RSU1: variants seen among roughly 807,000 people sequenced by gnomAD.
The protein encoded by RSU1 is Ras suppressor protein 1.
A neutral mutation model predicts 31.1 loss-of-function variants in RSU1; 26 were observed. The observed-to-expected ratio is 0.84, with a 90% CI of 0.61 to 1.16. RSU1 has a LOEUF of 1.16. Among genes scored for constraint, RSU1 ranks in the 50% most tolerant of loss-of-function variants. The pLI, the probability that RSU1 is intolerant of heterozygous loss-of-function variation, is 0.00. For synonymous variants in RSU1, 164 were observed against 136.3 expected (o/e 1.20, Z -1.41); for missense variants, 320 against 339.1 (o/e 0.94, Z 0.44).
chr10:16,664,895 T>C (rs1249213865), intron 8 of RSU1, among the ~76,000 whole-genome samples: 1 of 152,162 alleles, frequency 6.6e-6, no homozygotes, highest in Non-Finnish European at 1.5e-5. Context: ...TGACAGCACC[T>C]AGTATTTATT....
At position 16,591,890 on chromosome 10, in the gene RSU1, T is replaced by C. The variant is rs1176827093; in HGVS notation, c.*1504A>G. The stretch of plus-strand genomic sequence containing the variant: ...GAGGCATACATGGCACCTATAAAAA[T>C]GATATCAACTCTATCCCTAAACAGG... On this transcript the variant is annotated 3_prime_UTR_variant, in exon 9 of 9. Coordinates refer to ENST00000345264, the MANE Select transcript of RSU1 (RefSeq NM_012425.4). 2 of 152,166 alleles carry C rather than the reference T, an allele frequency of 1.3e-5. No individual in the cohort carries two copies. Among genetic ancestry groups the C allele is most frequent in the African/African-American group, 4.8e-5 (2 of 41,432 alleles). 9.4% of individuals were successfully genotyped at this position (152,166 alleles called of 1,614,324 possible).
At chr10:16,785,463 T>TATATACACATATATACATATATAC (rs1564357326) in intron 2 of RSU1, among the ~76,000 whole-genome samples, 1 of 139,272 alleles carries the variant, frequency 7.2e-6, no homozygotes, top group Non-Finnish European at 1.5e-5. Flanking sequence ...TATATACATA[T>TATATACACATATATACATATATAC]ATATATACAC....
chr10:16,658,417 A>G (rs916147710), intron 8 of RSU1, among the ~76,000 whole-genome samples: 1 of 152,144 alleles, frequency 6.6e-6, no homozygotes, highest in Non-Finnish European at 1.5e-5. Flanking sequence ...CCAGAGAACA[A>G]TTTGGCTTGA....
intron 7 of RSU1, among the ~76,000 whole-genome samples, chr10:16,731,240 G>A (rs1045233906): frequency 6.6e-6 from 1 of 151,882 alleles, no homozygotes; most frequent in African/African-American, 2.4e-5. Context: ...TAAAAGTACT[G>A]TGGCAAATGA....
At chr10:16,673,350 C>A (rs375765361) in intron 8 of RSU1, among the ~76,000 whole-genome samples, 1 of 152,190 alleles carries the variant, frequency 6.6e-6, no homozygotes, top group African/African-American at 2.4e-5. Context: ...AGAGCAGCTA[C>A]AAATTTTTCT....
intron 7 of RSU1, among the ~76,000 whole-genome samples, chr10:16,710,889 TC>T (rs1473501627): frequency 6.6e-6 from 1 of 152,156 alleles, no homozygotes; most frequent in Non-Finnish European, 1.5e-5. Context: ...ATTGTTCAAC[TC>T]CCACTTATCA....
intron 7 of RSU1, among the ~76,000 whole-genome samples, chr10:16,714,235 GTGCCAGC>G (rs1836082574): frequency 1.3e-5 from 2 of 152,318 alleles, no homozygotes; most frequent in Middle Eastern, 3.4e-3. Flanking sequence ...GTCTGATGCT[GTGCCAGC>G]TGCACATAGG....
intron 8 of RSU1, among the ~76,000 whole-genome samples, chr10:16,613,528 C>G: frequency 6.6e-6 from 1 of 152,198 alleles, no homozygotes; most frequent in Admixed American, 6.5e-5. Context: ...ACTATTAGCT[C>G]TGATCCTGGT....
intron 8 of RSU1, among the ~76,000 whole-genome samples, chr10:16,664,817 C>A (rs1489105891): frequency 6.6e-6 from 1 of 152,214 alleles, no homozygotes; most frequent in Non-Finnish European, 1.5e-5. Context: ...CTTCTCTTTA[C>A]CATATATTCT....
intron 5 of RSU1, among the ~76,000 whole-genome samples, chr10:16,754,311 T>A (rs1413686192): frequency 6.6e-6 from 1 of 152,112 alleles, no homozygotes; most frequent in Non-Finnish European, 1.5e-5. Flanking sequence ...AGCAAGAAAT[T>A]TGTTTGCATA....
intron 7 of RSU1, chr10:16,721,798 TATGAACTTGGACA>T (rs1836269593): frequency 6.6e-6 from 1 of 152,176 alleles, no homozygotes. Flanking sequence ...GTACTAGCAA[TATGAACTTGGACA>T]AGTTCATATT....
chr10:16,684,161 A>G (rs893875447), intron 8 of RSU1, among the ~76,000 whole-genome samples: 2 of 152,232 alleles, frequency 1.3e-5, no homozygotes, highest in Non-Finnish European at 1.5e-5. Flanking sequence ...TTCTTTACAG[A>G]TGCGCATTTT....
intron 7 of RSU1, among the ~76,000 whole-genome samples, chr10:16,730,881 T>C (rs1406269790): frequency 6.6e-6 from 1 of 152,154 alleles, no homozygotes; most frequent in East Asian, 1.9e-4. Context: ...TGCAGTGCAA[T>C]GGCGTGATCT....
At chr10:16,719,016 G>A (rs1018862043) in intron 7 of RSU1, among the ~76,000 whole-genome samples, 10 of 151,200 alleles carry the variant, frequency 6.6e-5, no homozygotes, top group African/African-American at 9.7e-5. Flanking sequence ...TTGGCTGGGC[G>A]TAAGGCTCAT....
intron 8 of RSU1, among the ~76,000 whole-genome samples, chr10:16,660,154 T>C (rs1002098817): frequency 8.5e-5 from 13 of 152,178 alleles, no homozygotes; most frequent in Non-Finnish European, 1.9e-4. Context: ...AAAGATAATG[T>C]CTCCCTCCAA....
At chr10:16,619,093 C>T (rs1022857220) in intron 8 of RSU1, among the ~76,000 whole-genome samples, 3 of 152,146 alleles carry the variant, frequency 2.0e-5, no homozygotes, top group African/African-American at 7.2e-5. Flanking sequence ...CCTTAGAGGA[C>T]AATGTTTACA....
At chr10:16,811,428 G>A (rs1375279780) in intron 2 of RSU1, among the ~76,000 whole-genome samples, 1 of 152,174 alleles carries the variant, frequency 6.6e-6, no homozygotes, top group African/African-American at 2.4e-5. Flanking sequence ...AATTCACAAT[G>A]ACCCTATGAG....
intron 8 of RSU1, among the ~76,000 whole-genome samples, chr10:16,640,242 G>A (rs1446087869): frequency 1.3e-5 from 2 of 151,932 alleles, no homozygotes. Flanking sequence ...GCCTGTGGTG[G>A]GAGCATAACC....
intron 7 of RSU1, among the ~76,000 whole-genome samples, chr10:16,736,112 C>G (rs1027526439): frequency 6.6e-6 from 1 of 152,054 alleles, no homozygotes; most frequent in African/African-American, 2.4e-5. Context: ...GCAAGGAGGG[C>G]ATAGCAGGAA....
Sources: allele counts gnomAD v4.1 joint callset (sites outside exome capture counted in the v4.1 genomes callset), GRCh38; gene constraint gnomAD v4.1.1; transcripts MANE v1.5; gene names NCBI Gene and HGNC (gene_info 2026-07-23, HGNC 2026-07-21).